GDA: variants seen among roughly 807,000 people sequenced by gnomAD.
GDA encodes cytoplasmic PSD-95 interactor.
A neutral mutation model predicts 59.6 loss-of-function variants in GDA; 18 were observed. The observed-to-expected ratio is 0.30, with a 90% confidence interval of 0.21 to 0.45. The LOEUF (loss-of-function observed/expected upper bound fraction) is 0.45. GDA is among the 20% of genes least tolerant of loss of function. The probability of loss-of-function intolerance (pLI) is 1.00; values close to 1 mark genes in which losing one functional copy is unlikely to be tolerated. For synonymous variants in GDA, 201 were observed against 201.1 expected (o/e 1.00, Z 0.00); for missense variants, 427 against 552.3 (o/e 0.77, Z 2.27).
intron 2 of GDA, among the ~76,000 whole-genome samples, chr9:72,201,270 A>G (rs1833974596): frequency 6.6e-6 from 1 of 151,932 alleles, no homozygotes; most frequent in African/African-American, 2.4e-5. Flanking sequence ...TTAGCAGGCC[A>G]AAACCAGAAT....
At chr9:72,259,748 C>G (rs1840920027), downstream of GDA, among the ~76,000 whole-genome samples, 1 of 152,176 alleles carries the variant, frequency 6.6e-6, no homozygotes. Context: ...ATTTTCTGCT[C>G]AGGTTGAAGA....
At chr9:72,186,292 T>A (rs1831852354) in intron 1 of GDA, among the ~76,000 whole-genome samples, 1 of 152,186 alleles carries the variant, frequency 6.6e-6, no homozygotes, top group Non-Finnish European at 1.5e-5. Flanking sequence ...TATCAGTCTT[T>A]CTTGTAGTCC....
At chr9:72,182,258 T>C (rs1057346048) in intron 1 of GDA, among the ~76,000 whole-genome samples, 1 of 152,246 alleles carries the variant, frequency 6.6e-6, no homozygotes, top group Non-Finnish European at 1.5e-5. Flanking sequence ...CCTCCTCTTA[T>C]TCAGAATCCA....
chr9:72,160,678 G>A (rs1375012075), intron 1 of GDA, among the ~76,000 whole-genome samples: 2 of 152,162 alleles, frequency 1.3e-5, no homozygotes, highest in African/African-American at 4.8e-5. Flanking sequence ...TTTGTCAGCA[G>A]TGCTGCTATA....
chr9:72,132,851 C>G (rs545794423), intron 1 of GDA, among the ~76,000 whole-genome samples: 136 of 152,206 alleles, frequency 8.9e-4, no homozygotes, highest in African/African-American at 3.3e-3. Context: ...TTATGCTGGG[C>G]AGTTTGGATA....
chr9:72,209,392 A>G (rs1356039704), intron 3 of GDA, among the ~76,000 whole-genome samples: 1 of 152,052 alleles, frequency 6.6e-6, no homozygotes. Flanking sequence ...TTTATCCTAC[A>G]ACCCTCCTAC....
chr9:72,259,678 C>T (rs570664091), downstream of GDA, among the ~76,000 whole-genome samples: 4 of 152,086 alleles, frequency 2.6e-5, no homozygotes, highest in Admixed American at 2.0e-4. Context: ...TATATGCTGC[C>T]CCAATTATTA....
rs1257033020 is a variant in GDA at position 72,213,939 on chromosome 9, A to G, written c.526A>G (p.Thr176Ala). The change falls in exon 5 of 14, where the codon ACT becomes GCT. Residue 176 changes from threonine (T) to alanine (A), a missense_variant. Coordinates refer to ENST00000358399, the MANE Select transcript of GDA (RefSeq NM_004293.5). ...CAAAGTTTGCATGGATTTGAATGACACTTTTCCAGAATACAAGGAGACCAC... is the reference window on the plus strand; with the variant it reads ...CAAAGTTTGCATGGATTTGAATGACGCTTTTCCAGAATACAAGGAGACCAC... Reference protein sequence around the residue: ...VGKVCMDLNDTFPEYKETTEE... With the variant: ...VGKVCMDLNDAFPEYKETTEE... 3 of 1,612,470 alleles carry G rather than the reference A, an allele frequency of 1.9e-6. No individual in the cohort carries two copies. Among genetic ancestry groups the G allele is most frequent in the Non-Finnish European group, 2.5e-6 (3 of 1,178,444 alleles).
intron 1 of GDA, among the ~76,000 whole-genome samples, chr9:72,136,608 A>T (rs1587319619): frequency 6.6e-6 from 1 of 152,214 alleles, no homozygotes; most frequent in East Asian, 1.9e-4. Flanking sequence ...ATACTGGTTT[A>T]TTCTTGTTTG....
intron 1 of GDA, among the ~76,000 whole-genome samples, chr9:72,168,469 A>G (rs1165351225): frequency 1.4e-5 from 2 of 140,638 alleles, no homozygotes; most frequent in African/African-American, 5.3e-5. Flanking sequence ...ATCTCAGCTC[A>G]CTGCAACCTC....
rs1005226970 is a variant in GDA at position 72,213,814 on chromosome 9, A to G, written c.473-72A>G. 1.9e-3 allele frequency: 1,783 copies of G among 922,164 alleles called. 14 individuals are homozygous for G. The highest frequency in any genetic ancestry group is 1.9e-3 in the Non-Finnish European group (1,113 of 592,934). The allele number at this position is 922,164 out of a possible 1,614,324, so 57.1% of individuals were successfully genotyped here. The stretch of plus-strand genomic sequence containing the variant: ...CGGGACTCCGTCTCAAAAAAAAAAA[A>G]AAAAAGAAAAAGAAAAAGTACTGTT... On this transcript the variant is annotated intron_variant, in intron 4 of 13. Transcript: ENST00000358399.
At chr9:72,226,096 G>A (rs780306568) in intron 8 of GDA, among the ~76,000 whole-genome samples, 2 of 151,826 alleles carry the variant, frequency 1.3e-5, no homozygotes, top group Admixed American at 6.6e-5. Flanking sequence ...CATTGAAGAT[G>A]GGAATGTCAT....
chr9:72,227,336 A>G (rs1441204415), intron 8 of GDA, among the ~76,000 whole-genome samples: 6 of 152,230 alleles, frequency 3.9e-5, no homozygotes, highest in African/African-American at 1.4e-4. Flanking sequence ...ATTAATGATT[A>G]TAAGATGTTA....
At chr9:72,140,210 A>G (rs1826390347) in intron 1 of GDA, among the ~76,000 whole-genome samples, 1 of 152,172 alleles carries the variant, frequency 6.6e-6, no homozygotes, top group African/African-American at 2.4e-5. Context: ...AAATAAGATG[A>G]TGAGTTTGGT....
intron 3 of GDA, among the ~76,000 whole-genome samples, chr9:72,206,040 A>G (rs1006885028): frequency 1.3e-5 from 2 of 152,166 alleles, no homozygotes; most frequent in Non-Finnish European, 2.9e-5. Flanking sequence ...TTTAGATTAC[A>G]TATCCGTTTT....
chr9:72,164,102 A>G (rs1390374363), intron 1 of GDA, among the ~76,000 whole-genome samples: 1 of 152,176 alleles, frequency 6.6e-6, no homozygotes, highest in Non-Finnish European at 1.5e-5. Context: ...TGACATCTAC[A>G]TGGAGATTTG....
At chr9:72,220,653 C>G (rs1836742033) in intron 6 of GDA, among the ~76,000 whole-genome samples, 1 of 152,060 alleles carries the variant, frequency 6.6e-6, no homozygotes, top group South Asian at 2.1e-4. Flanking sequence ...TTCTGGCAAG[C>G]AGGGACAGGG....
chr9:72,223,234 AT>A lies in GDA; in HGVS notation c.714+9del. ...CCGTGATTTGCACATTCAGGTGGGTATTCTTCTTCTCTTTATGCCTCTATGC... is the reference window on the plus strand; with the variant it reads ...CCGTGATTTGCACATTCAGGTGGGTATCTTCTTCTCTTTATGCCTCTATGC... On this transcript the variant is annotated splice_region_variant and intron_variant, in intron 7 of 13. Transcript: ENST00000358399. 1 of 1,522,098 alleles carries A rather than the reference AT, an allele frequency of 6.6e-7. No homozygotes were observed. Among genetic ancestry groups the A allele is most frequent in the Non-Finnish European group, 9.1e-7 (1 of 1,096,390 alleles). The allele number at this position is 1,522,098 out of a possible 1,614,324, so 94.3% of individuals were successfully genotyped here.
At chr9:72,142,200 G>T (rs757316790) in intron 1 of GDA, among the ~76,000 whole-genome samples, 2 of 152,230 alleles carry the variant, frequency 1.3e-5, no homozygotes, top group Non-Finnish European at 2.9e-5. Context: ...ATGAGAAGTG[G>T]GGAAATCTTT....
Sources: gnomAD v4.1 joint callset for allele counts (sites outside exome capture counted in the v4.1 genomes callset) on GRCh38, gnomAD v4.1.1 for gene constraint, MANE v1.5 for transcripts, NCBI Gene and HGNC (gene_info 2026-07-23, HGNC 2026-07-21) for gene names.